The following PKD1 variants were observed in gnomAD, a reference collection of about 807,000 sequenced individuals.
PKD1 encodes polycystin-1.
Under a neutral mutation model 361.7 loss-of-function variants are expected in PKD1, and 81 were observed. That is an observed-to-expected ratio of 0.22 (90% CI 0.19 to 0.27). The LOEUF is 0.27. PKD1 is among the 10% of genes least tolerant of loss of function. The probability of loss-of-function intolerance (pLI) is 1.00; values close to 1 mark genes in which losing one functional copy is unlikely to be tolerated. For synonymous variants in PKD1, 3,615 were observed against 2,818.3 expected (o/e 1.28, Z -8.95); for missense variants, 6,399 against 6,118.3 (o/e 1.05, Z -1.53).
At chr16:2,130,025 A>G (rs2151848268) in intron 1 of PKD1, among the ~76,000 whole-genome samples, 1 of 152,172 alleles carries the variant, frequency 6.6e-6, no homozygotes, top group African/African-American at 2.4e-5. Flanking sequence ...AAGCCTCCCC[A>G]TCCCTTCCCC....
chr16:2,133,850 CA>C (rs2092917695), intron 1 of PKD1, among the ~76,000 whole-genome samples: 1 of 151,878 alleles, frequency 6.6e-6, no homozygotes, highest in African/African-American at 2.4e-5. Flanking sequence ...ACCCCAGGAC[CA>C]GAGCCTAAGA....
At chr16:2,124,419 C>T (rs1188810862) in intron 1 of PKD1, among the ~76,000 whole-genome samples, 1 of 152,236 alleles carries the variant, frequency 6.6e-6, no homozygotes, top group African/African-American at 2.4e-5. Flanking sequence ...GTGGGTGAAG[C>T]CTGAGGCTGG....
chr16:2,113,891 C>T (rs1308933355), intron 11 of PKD1: 12 of 533,092 alleles, frequency 2.3e-5, no homozygotes, highest in Admixed American at 9.5e-5. Context: ...GAGAGACTCA[C>T]GGGGGCTCGT....
In PKD1 at chr16:2,100,205, C is replaced by G; in HGVS notation, c.9673G>C (p.Ala3225Pro). ...TCCTTCTCCACCAGGCCCCCGTTGG[C>G]CTCCGTCTCCACCGAAAGCCAGTCA... ...VNDWLSVETE[A>P]NGGLVEKEVL... The change falls in exon 28 of 46, where the codon GCC becomes CCC. Residue 3225 changes from alanine (A) to proline (P), a missense_variant. Ala to Pro is a conservative substitution (Grantham distance 27, BLOSUM62 -1). Coordinates refer to ENST00000262304, the MANE Select transcript of PKD1 (RefSeq NM_001009944.3). This position sits in a 1 kb window ranked among gnomAD's most constrained non-coding sequence, Gnocchi z 4.4. 4 of 1,610,064 alleles carry G rather than the reference C, an allele frequency of 2.5e-6. No homozygotes were observed. Among genetic ancestry groups the G allele is most frequent in the Non-Finnish European group, 3.4e-6 (4 of 1,179,276 alleles).
chr16:2,090,498 G>C lies in PKD1; in HGVS notation c.12231C>G (p.Ala4077=), dbSNP rs755676842. The change falls in exon 45 of 46, where the codon GCC becomes GCG. Residue 4077 remains alanine, a synonymous_variant. Coordinates refer to ENST00000262304, the MANE Select transcript of PKD1 (RefSeq NM_001009944.3). ...GCAGGGGTGACAGGTGCCAGGACTC[G>C]GCAGGACACAGGGTAGAGAGCCCAG... ...PGTGLSTLCP[A]ESWHLSPLLC... is the part of the protein sequence containing the mutation. The C allele has an allele frequency of 6.2e-7, 1 of 1,611,460 alleles. No homozygotes were observed. The highest frequency in any genetic ancestry group is 8.5e-7 in the Non-Finnish European group (1 of 1,179,580).
rs750532410 is a variant in PKD1, at chr16:2,100,347, G to A, written c.9569-38C>T. The A allele has an allele frequency of 2.4e-5, 39 of 1,610,310 alleles. No homozygotes were observed. In the East Asian group the frequency reaches 2.9e-4, roughly 12 times the overall value. On this transcript the variant is annotated intron_variant, in intron 27 of 45. Coordinates refer to ENST00000262304, the MANE Select transcript of PKD1 (RefSeq NM_001009944.3). The surrounding 1 kb of genome is among the most constrained non-coding windows in gnomAD (Gnocchi z 4.4). ...AGGAGGGAGGTCAGGCTCGCAGGGCGCCCCAATGCGGGGGCAGAGGGGCAG... is the reference window on the plus strand; with the variant it reads ...AGGAGGGAGGTCAGGCTCGCAGGGCACCCCAATGCGGGGGCAGAGGGGCAG...
rs1464617660 is a variant in PKD1, at chr16:2,108,918, G to T, written c.6249C>A (p.Thr2083=). 1 of 1,592,036 alleles carries T rather than the reference G, an allele frequency of 6.3e-7. No individual in the cohort carries two copies. The highest frequency in any genetic ancestry group is 1.7e-5 in the Admixed American group (1 of 57,378). ...AGGCCACACGCCGGGGGCTGGGGCT[G>T]GTGGCGGCCTCAAACTGCGCCGAGC... ...TNRSAQFEAA[T]SPSPRRVAYH... is the part of the protein sequence containing the mutation. The change falls in exon 15 of 46, where the codon ACC becomes ACA. Residue 2083 remains threonine (T), a synonymous_variant. Coordinates refer to ENST00000262304, the MANE Select transcript of PKD1 (RefSeq NM_001009944.3).
In PKD1 at chr16:2,135,311, C is replaced by A. The variant is rs543059041; in HGVS notation, c.215+164G>T. The A allele has an allele frequency of 2.3e-5, 23 of 985,330 alleles. No individual in the cohort carries two copies. In the South Asian group the frequency reaches 6.6e-4, roughly 28 times the overall value. 61.0% of individuals were successfully genotyped at this position (985,330 alleles called of 1,614,324 possible). On this transcript the variant is annotated intron_variant, in intron 1 of 45. Coordinates refer to ENST00000262304, the MANE Select transcript of PKD1 (RefSeq NM_001009944.3). ...TTCGGCTCCCCGGGGCCGTGCCAAC[C>A]GCGGCTCCAGGCGTTCCTTATTTAG...
intron 1 of PKD1, among the ~76,000 whole-genome samples, chr16:2,133,687 C>T (rs1479257540): frequency 6.6e-6 from 1 of 152,132 alleles, no homozygotes; most frequent in Non-Finnish European, 1.5e-5. Context: ...CCAGAACTCT[C>T]CCAGCGGCGG....
Position 2,107,003 on chromosome 16 carries a change from A to T in PKD1, c.7066-55T>A, listed in dbSNP as rs4018161. 8,435 of 1,538,912 alleles carry T rather than the reference A, an allele frequency of 5.5e-3. 213 individuals carry two copies. The highest frequency in any genetic ancestry group is 0.052 in the African/African-American group (3,616 of 69,118). ...CAGGTCTATTTGGCCTGCTGGAAGG[A>T]CTGGGGGACCCATGGAGGATGCTGC... On this transcript the variant is annotated intron_variant, in intron 16 of 45. Coordinates refer to ENST00000262304, the MANE Select transcript of PKD1 (RefSeq NM_001009944.3).
intron 34 of PKD1, among the ~76,000 whole-genome samples, chr16:2,096,368 T>C (rs1363128895): frequency 1.3e-5 from 2 of 152,246 alleles, no homozygotes; most frequent in African/African-American, 2.4e-5. Flanking sequence ...TAGGAGGGCA[T>C]GGCAGAGCCC....
Position 2,093,840 on chromosome 16 carries a change from C to A in PKD1, c.10792G>T (p.Ala3598Ser). Residue 3598 changes from alanine (A) to serine (S), a missense_variant, in exon 36 of 46, where the codon GCC becomes TCC. By Grantham distance (99) the Ala-to-Ser change is moderately conservative. Transcript: ENST00000262304. Reference sequence around the variant, plus strand: ...AGTGGCTCCCAGCCGAGGAATGAGGCCAGGAAGCTGGCGCTGCTGGACAGG... The same window carrying A: ...AGTGGCTCCCAGCCGAGGAATGAGGACAGGAAGCTGGCGCTGCTGGACAGG... ...WLLSSSASFL[A>S]SFLGWEPLKV... 6.4e-7 allele frequency: 1 copy of A among 1,561,720 alleles called. No individual in the cohort carries two copies. Among genetic ancestry groups the A allele is most frequent in the Non-Finnish European group, 8.6e-7 (1 of 1,159,244 alleles).
rs544172475 is a variant in PKD1 at position 2,108,164 on chromosome 16, G to T, written c.6915+88C>A. 15 of 1,476,076 alleles carry T rather than the reference G, an allele frequency of 1.0e-5. 1 individual carries two copies. In the South Asian group the frequency reaches 1.4e-4, roughly 14 times the overall value. 91.4% of individuals were successfully genotyped at this position (1,476,076 alleles called of 1,614,324 possible). A position where few individuals can be genotyped will look rare whatever the true frequency, so the allele number is the denominator to read the frequency against. ...GGGGCCCACCAGGCACTGAGGACGGGCCAGCCCTGGTGGCAAGCTGGGTGT... is the reference window on the plus strand; with the variant it reads ...GGGGCCCACCAGGCACTGAGGACGGTCCAGCCCTGGTGGCAAGCTGGGTGT... On this transcript the variant is annotated intron_variant, in intron 15 of 45. Coordinates refer to ENST00000262304, the MANE Select transcript of PKD1 (RefSeq NM_001009944.3).
At chr16:2,104,690 G>A (rs1470389896) in intron 21 of PKD1, 48 bp from the exon 22 acceptor site, 2 of 1,107,740 alleles carry the variant, frequency 1.8e-6, no homozygotes, top group Admixed American at 2.0e-5. Context: ...CCCACTCCTT[G>A]CACACGCCCT....
rs762391588 is a variant in PKD1, at chr16:2,102,989, G to A, written c.8792-19C>T. 20 of 1,600,392 alleles carry A rather than the reference G, an allele frequency of 1.2e-5. No homozygotes were observed. The highest frequency in any genetic ancestry group is 2.2e-4 in the Middle Eastern group (1 of 4,452). ...TAGTGGCCTGGGGCAGAACGCGCAG[G>A]TCACACGCCTGCCGGGAAGCTCAAC... On this transcript the variant is annotated intron_variant, in intron 23 of 45. Transcript: ENST00000262304.
rs142264618 is a variant in PKD1, at chr16:2,112,793, G to C, written c.3156C>G (p.Ala1052=). 74 of 1,596,870 alleles carry C rather than the reference G, an allele frequency of 4.6e-5. No homozygotes were observed. In the African/African-American group the frequency reaches 9.2e-4, roughly 20 times the overall value. Residue 1052 remains alanine (A), a synonymous_variant, in exon 13 of 46, where the codon GCC becomes GCG. Coordinates refer to ENST00000262304, the MANE Select transcript of PKD1 (RefSeq NM_001009944.3). ...GVLVDSAVEV[A]FLWTFGDGEQ... is the part of the protein sequence containing the mutation. Reference sequence around the variant, plus strand: ...CCGGCCCCCGAGTCACTCACAGGAAGGCCACCTCCACGGCCGAGTCCACCA... The same window carrying C: ...CCGGCCCCCGAGTCACTCACAGGAACGCCACCTCCACGGCCGAGTCCACCA...
rs1409929072 is a variant in PKD1, at chr16:2,108,006, G to C, written c.6942C>G (p.Asn2314Lys). ...CCGTGCTGCTCCCGCGGGGCCCAAA[G>C]TTCAGCGCACACCCGCCAGCCTCCC... ...TQREAGGCAL[N>K]FGPRGSSTVT... The change falls in exon 16 of 46, where the codon AAC becomes AAG. Residue 2314 changes from asparagine (N) to lysine (K), a missense_variant. Asn to Lys is a moderately conservative substitution (Grantham distance 94). Coordinates refer to ENST00000262304, the MANE Select transcript of PKD1 (RefSeq NM_001009944.3). The C allele has an allele frequency of 1.4e-5, 21 of 1,548,906 alleles. No individual in the cohort carries two copies. Among genetic ancestry groups the C allele is most frequent in the Non-Finnish European group, 1.8e-5 (21 of 1,147,752 alleles).
In PKD1 at chr16:2,091,429, G is replaced by A; in HGVS notation, c.11706C>T (p.Leu3902=). The A allele has an allele frequency of 8.5e-7, 1 of 1,180,570 alleles. No individual in the cohort carries two copies. The highest frequency in any genetic ancestry group is 1.0e-6 in the Non-Finnish European group (1 of 953,210). 73.1% of individuals were successfully genotyped at this position (1,180,570 alleles called of 1,614,324 possible). A position where few individuals can be genotyped will look rare whatever the true frequency, so the allele number is the denominator to read the frequency against. The part of the protein sequence containing the change: ...RLSAGLSLPL[L]TSVCLLLFAV... ...TGGCCGGGGACGGGCGTACCGAGGT[G>A]AGCAGAGGCAGCGAGAGGCCCGCGC... The change falls in exon 42 of 46, where the codon CTC becomes CTT. Residue 3902 remains leucine, a synonymous_variant. Coordinates refer to ENST00000262304, the MANE Select transcript of PKD1 (RefSeq NM_001009944.3).
At chr16:2,115,150 G>A (rs1470250832) in intron 10 of PKD1, 1 of 862,156 alleles carries the variant, frequency 1.2e-6, no homozygotes, top group East Asian at 1.2e-4. Context: ...GAGCAGCTGT[G>A]CTGGGAGAGA....
Sources: gnomAD v4.1 joint callset for allele counts (sites outside exome capture counted in the v4.1 genomes callset) on GRCh38, gnomAD v4.1.1 for gene constraint, Gnocchi (gnomAD v3.1) non-coding constraint, MANE v1.5 for transcripts, NCBI Gene and HGNC (gene_info 2026-07-23, HGNC 2026-07-21) for gene names.